The following ATAD2B variants were observed in gnomAD, a reference collection of about 807,000 sequenced individuals.
ATAD2B encodes ATPase family AAA domain containing 2B, also known as ATPase family AAA domain-containing protein 2B.
ATAD2B carries 40 observed loss-of-function variants against 167.6 expected under a neutral mutation model. The ratio of observed to expected loss-of-function variants is 0.24; its 90% CI spans 0.19 to 0.31. ATAD2B has a LOEUF of 0.31. ATAD2B is among the 10% of genes least tolerant of loss of function. The pLI, the probability that ATAD2B is intolerant of heterozygous loss-of-function variation, is 1.00. For synonymous variants in ATAD2B, 579 were observed against 596.5 expected (o/e 0.97, Z 0.43); for missense variants, 1,242 against 1,757.2 (o/e 0.71, Z 5.24).
At chr2:23,865,919 A>T (rs1695063285) in intron 10 of ATAD2B, 1 of 914,072 alleles carries the variant, frequency 1.1e-6, no homozygotes, top group Non-Finnish European at 1.3e-6. Flanking sequence ...AGAAAATTTT[A>T]CCCAAAGTGT....
chr2:23,764,685 C>A (rs1426402751), intron 23 of ATAD2B, among the ~76,000 whole-genome samples: 1 of 152,124 alleles, frequency 6.6e-6, no homozygotes, highest in Non-Finnish European at 1.5e-5. Flanking sequence ...CAGGGAAGAG[C>A]TCTCTAAAAA....
intron 12 of ATAD2B, among the ~76,000 whole-genome samples, chr2:23,862,964 A>G (rs1694636971): frequency 6.6e-6 from 1 of 152,222 alleles, no homozygotes; most frequent in Non-Finnish European, 1.5e-5. Flanking sequence ...AAGGCATACA[A>G]TCACAGATTA....
chr2:23,905,398 C>G (rs1232598843), intron 1 of ATAD2B, among the ~76,000 whole-genome samples: 1 of 152,154 alleles, frequency 6.6e-6, no homozygotes, highest in Non-Finnish European at 1.5e-5. Context: ...GTGGCACATG[C>G]CTGTGGTCCC....
chr2:23,686,394 G>A, the ATAD2B span, among the ~76,000 whole-genome samples: 3 of 152,182 alleles, frequency 2.0e-5, no homozygotes, highest in South Asian at 6.2e-4. Flanking sequence ...TGACTCCGCC[G>A]CTTGTCTTGT....
the ATAD2B span, among the ~76,000 whole-genome samples, chr2:23,726,445 AAAT>A: frequency 1.3e-5 from 2 of 152,224 alleles, no homozygotes; most frequent in African/African-American, 2.4e-5. Flanking sequence ...ACTATTAAGA[AAAT>A]AATAATGAAG....
intron 17 of ATAD2B, among the ~76,000 whole-genome samples, chr2:23,811,621 T>C (rs893989419): frequency 1.3e-5 from 2 of 152,056 alleles, no homozygotes; most frequent in African/African-American, 4.8e-5. Context: ...AGGGGAGGGA[T>C]AGCATTAGGA....
chr2:23,827,918 A>C (rs2149697950), intron 15 of ATAD2B: 1 of 152,758 alleles, frequency 6.5e-6, no homozygotes, highest in Non-Finnish European at 1.5e-5. Flanking sequence ...TGTTCTATTT[A>C]AGTTTTAATT....
chr2:23,696,299 C>T, the ATAD2B span: 184,601 of 1,547,296 alleles, frequency 0.12, 11,618 homozygotes, highest in Middle Eastern at 0.16. This position sits in a 1 kb window ranked among gnomAD's most constrained non-coding sequence, Gnocchi z 5.5. Context: ...CTCCTCACCC[C>T]GCCCGCTCTC....
rs1409928530 is a variant in ATAD2B, at chr2:23,751,170, C to G, written c.*876G>C. 1 of 152,070 alleles carries G rather than the reference C, an allele frequency of 6.6e-6. No homozygotes were observed. Among genetic ancestry groups the G allele is most frequent in the African/African-American group, 2.4e-5 (1 of 41,408 alleles). The allele number at this position is 152,070 out of a possible 1,614,324, so 9.4% of individuals were successfully genotyped here. A position where few individuals can be genotyped will look rare whatever the true frequency, so the allele number is the denominator to read the frequency against. On this transcript the variant is annotated 3_prime_UTR_variant, in exon 28 of 28. Coordinates refer to ENST00000238789, the MANE Select transcript of ATAD2B (RefSeq NM_017552.4). The stretch of plus-strand genomic sequence containing the variant: ...GTCATCATTGTTGGCAATACCAAAA[C>G]GTGTGCAGTTTTGTTTTTTGTTTTT...
At chr2:23,754,060 A>C (rs1374116350) in intron 27 of ATAD2B, 119 bp downstream of exon 27, 1 of 812,110 alleles carries the variant, frequency 1.2e-6, no homozygotes, top group Non-Finnish European at 1.8e-6. Context: ...AATCTTCAAA[A>C]CATTCTTCAG....
intron 19 of ATAD2B, 30 bp downstream of exon 19, chr2:23,798,108 A>G: frequency 2.3e-6 from 3 of 1,319,818 alleles, no homozygotes; most frequent in Non-Finnish European, 3.0e-6. Flanking sequence ...CAATATAATA[A>G]GGAAAGATAA....
rs777932250 is a variant in ATAD2B at position 23,810,375 on chromosome 2, G to T, written c.2395C>A (p.Leu799Ile). 14 of 1,613,944 alleles carry T rather than the reference G, an allele frequency of 8.7e-6. No homozygotes were observed. The highest frequency in any genetic ancestry group is 1.7e-6 in the Non-Finnish European group (2 of 1,179,852). ...HTLERFSVHR[L>I]DLPALYSVSA... ...ACTGAATAAAGTGCTGGGAGATCTA[G>T]TCTATGCACAGAGAATCTTTCTAGA... The change falls in exon 18 of 28, where the codon CTA (leucine) becomes ATA (isoleucine). Residue 799 changes from leucine (L) to isoleucine (I), a missense_variant. By Grantham distance (5) the Leu-to-Ile change is conservative. Around this residue, in one of 9 missense-constraint regions of ATAD2B, gnomAD observed 145 missense variants for 181.9 expected, o/e 0.80. Coordinates refer to ENST00000238789, the MANE Select transcript of ATAD2B (RefSeq NM_017552.4).
At chr2:23,834,155 T>TC (rs1689529266) in intron 13 of ATAD2B, 77 bp from the exon 14 acceptor site, 1 of 604,072 alleles carries the variant, frequency 1.7e-6, no homozygotes, top group Non-Finnish European at 2.3e-6. Context: ...AGTCTTTCTT[T>TC]TTTTTTTTTT....
chr2:23,722,314 G>A, the ATAD2B span, among the ~76,000 whole-genome samples: 1 of 152,118 alleles, frequency 6.6e-6, no homozygotes, highest in East Asian at 1.9e-4. Context: ...AGGAAACTCG[G>A]TGAGATACAA....
chr2:23,698,193 C>G, the ATAD2B span, among the ~76,000 whole-genome samples: 33 of 152,136 alleles, frequency 2.2e-4, no homozygotes, highest in Non-Finnish European at 1.6e-4. Flanking sequence ...ACAGTGTGAG[C>G]GAGACCACCC....
chr2:23,779,518 T>C (rs550368223), intron 22 of ATAD2B, among the ~76,000 whole-genome samples: 36 of 152,196 alleles, frequency 2.4e-4, no homozygotes, highest in African/African-American at 7.5e-4. Context: ...AAAATTTTAA[T>C]AGTACAGATT....
Position 23,798,149 on chromosome 2 carries a change from G to A in ATAD2B, c.2629C>T (p.Leu877=), listed in dbSNP as rs771947687. The change falls in exon 19 of 28, where the codon CTG becomes TTG. Residue 877 remains leucine (L), a synonymous_variant. Transcript: ENST00000238789. ...TAATCAGTTCTTACCTCTTCAGGCA[G>A]TTCACTGTACATGGTTTCAGAGGTA... ...LSTSETMYSE[L]PEEVKCIFRI... 7 of 1,569,482 alleles carry A rather than the reference G, an allele frequency of 4.5e-6. No homozygotes were observed. The highest frequency in any genetic ancestry group is 1.7e-4 in the Middle Eastern group (1 of 6,010).
chr2:23,777,658 G>A (rs552915034), intron 22 of ATAD2B, among the ~76,000 whole-genome samples: 17 of 152,192 alleles, frequency 1.1e-4, no homozygotes, highest in African/African-American at 2.4e-4. Context: ...ACATTAGGGC[G>A]AAAATTTCAG....
intron 18 of ATAD2B, among the ~76,000 whole-genome samples, chr2:23,804,132 C>T (rs2551343): frequency 1.5e-4 from 23 of 152,042 alleles, no homozygotes; most frequent in Non-Finnish European, 2.5e-4. Flanking sequence ...TCTTCCCTAG[C>T]GCTTTTGTAC....
Sources: gnomAD v4.1 joint callset for allele counts (sites outside exome capture counted in the v4.1 genomes callset) on GRCh38, gnomAD v4.1.1 for gene constraint, gnomAD v4.1.1 regional missense constraint, Gnocchi (gnomAD v3.1) non-coding constraint, MANE v1.5 for transcripts, NCBI Gene and HGNC (gene_info 2026-07-23, HGNC 2026-07-21) for gene names.